PRKCE: variants seen among roughly 807,000 people sequenced by gnomAD.
PRKCE encodes the protein protein kinase C epsilon.
PRKCE carries 16 observed loss-of-function variants against 85.4 expected under a neutral mutation model. The ratio of observed to expected loss-of-function variants is 0.19; its 90% CI spans 0.13 to 0.28. The LOEUF (loss-of-function observed/expected upper bound fraction) is 0.28. PRKCE is among the 10% of genes least tolerant of loss of function. The pLI is 1.00. For synonymous variants in PRKCE, 388 were observed against 371.5 expected, an observed-to-expected ratio of 1.04 and a Z score of -0.51; for missense variants, 573 against 975.2, an observed-to-expected ratio of 0.59 and a Z score of 5.49.
chr2:45,952,646 G>T (rs569414455), intron 2 of PRKCE, among the ~76,000 whole-genome samples: 1 of 152,218 alleles, frequency 6.6e-6, no homozygotes, highest in Admixed American at 6.5e-5. Flanking sequence ...AAATGTAGTC[G>T]CTCTTCAAAA....
chr2:46,087,422 G>A (rs995588535), intron 11 of PRKCE, among the ~76,000 whole-genome samples: 1 of 152,162 alleles, frequency 6.6e-6, no homozygotes, highest in African/African-American at 2.4e-5. Context: ...CCTTGAATGT[G>A]TGAACGTTAC....
At chr2:45,656,313 T>A (rs1224159439) in intron 1 of PRKCE, among the ~76,000 whole-genome samples, 1 of 152,198 alleles carries the variant, frequency 6.6e-6, no homozygotes, top group African/African-American at 2.4e-5. Context: ...CCTCTGAACA[T>A]CATTAGTGAT....
At chr2:45,824,730 G>A (rs756364977) in intron 1 of PRKCE, among the ~76,000 whole-genome samples, 95 of 152,244 alleles carry the variant, frequency 6.2e-4, no homozygotes, top group African/African-American at 2.2e-3. Flanking sequence ...TGTGACCCAT[G>A]AGCAATTTTC....
intron 10 of PRKCE, among the ~76,000 whole-genome samples, chr2:46,062,602 C>T (rs961147122): frequency 2.0e-5 from 3 of 151,716 alleles, no homozygotes; most frequent in Non-Finnish European, 4.4e-5. Flanking sequence ...TATGCATTGA[C>T]CAACCCTCCC....
chr2:45,839,542 A>G (rs1231552166), intron 1 of PRKCE, among the ~76,000 whole-genome samples: 1 of 152,212 alleles, frequency 6.6e-6, no homozygotes, highest in Non-Finnish European at 1.5e-5. Context: ...AACCCTGGGA[A>G]TGGCTGGGAG....
At chr2:45,959,195 A>G (rs1574028600) in intron 2 of PRKCE, among the ~76,000 whole-genome samples, 1 of 152,262 alleles carries the variant, frequency 6.6e-6, no homozygotes, top group Admixed American at 6.5e-5. Context: ...CCTGTTTGAC[A>G]GTAGATGCAG....
chr2:45,787,941 C>A (rs1182415474), intron 1 of PRKCE, among the ~76,000 whole-genome samples: 1 of 152,158 alleles, frequency 6.6e-6, no homozygotes, highest in Non-Finnish European at 1.5e-5. Flanking sequence ...CACTGCTCTC[C>A]CTTTGTCTTA....
At chr2:45,929,064 C>G (rs907482668) in intron 2 of PRKCE, among the ~76,000 whole-genome samples, 1 of 152,138 alleles carries the variant, frequency 6.6e-6, no homozygotes, top group African/African-American at 2.4e-5. Flanking sequence ...CCTTGGCATG[C>G]CAAATACAAA....
At chr2:45,851,865 A>C (rs1439094271) in intron 2 of PRKCE, 1 of 152,178 alleles carries the variant, frequency 6.6e-6, no homozygotes, top group Admixed American at 6.5e-5. Context: ...GAAATTTAGG[A>C]TTCCCTCGGG....
At chr2:46,055,176 A>G (rs1234398640) in intron 10 of PRKCE, among the ~76,000 whole-genome samples, 1 of 152,230 alleles carries the variant, frequency 6.6e-6, no homozygotes, top group Non-Finnish European at 1.5e-5. Flanking sequence ...TGGCAAAACT[A>G]AAAGGACACT....
intron 10 of PRKCE, among the ~76,000 whole-genome samples, chr2:46,056,225 G>T (rs1666569077): frequency 6.6e-6 from 1 of 150,922 alleles, no homozygotes; most frequent in African/African-American, 2.5e-5. Context: ...CTTCTTCACG[G>T]TTAATGTTCT....
intron 11 of PRKCE, among the ~76,000 whole-genome samples, chr2:46,140,393 T>C (rs1262892782): frequency 2.2e-4 from 34 of 152,216 alleles, no homozygotes; most frequent in Non-Finnish European, 7.4e-5. Context: ...TTAGTACTAG[T>C]ATTTGATAAA....
intron 2 of PRKCE, among the ~76,000 whole-genome samples, chr2:45,880,632 T>C (rs1239442475): frequency 6.6e-6 from 1 of 152,006 alleles, no homozygotes; most frequent in African/African-American, 2.4e-5. Flanking sequence ...AAGCAGGGAG[T>C]ATATGTATAC....
chr2:45,673,713 G>T (rs991824010), intron 1 of PRKCE, among the ~76,000 whole-genome samples: 2 of 152,148 alleles, frequency 1.3e-5, no homozygotes, highest in Non-Finnish European at 2.9e-5. Flanking sequence ...GAAAAGCTTA[G>T]GTTGAACAAG....
At position 45,712,076 on chromosome 2, in the gene PRKCE, T is replaced by C. The variant is rs1679690940; in HGVS notation, c.348+59628T>C. On this transcript the variant is annotated intron_variant, in intron 1 of 14. Coordinates refer to ENST00000306156, the MANE Select transcript of PRKCE (RefSeq NM_005400.3). ...GTAAAGAATTACATCTTCTCCACAC[T>C]GTCTGTGTGCCCTCAGGTGTTCCTG... is the stretch of plus-strand genomic sequence containing the variant. Among the ~76,000 whole-genome samples, 3 of 151,526 alleles carry C rather than the reference T, an allele frequency of 2.0e-5. No individual in the cohort carries two copies. In the South Asian group the frequency reaches 6.2e-4, roughly 32 times the overall value.
intron 11 of PRKCE, among the ~76,000 whole-genome samples, chr2:46,130,795 A>G (rs1178992539): frequency 1.3e-5 from 2 of 152,234 alleles, no homozygotes; most frequent in Non-Finnish European, 2.9e-5. Context: ...GTACACAGGT[A>G]GAAAGTGCTG....
chr2:45,662,863 A>ACAAG (rs147813647), intron 1 of PRKCE, among the ~76,000 whole-genome samples: 94,759 of 147,630 alleles, frequency 0.64, 31,153 homozygotes, highest in Non-Finnish European at 0.73. Flanking sequence ...TACTCTGAAA[A>ACAAG]CAAGCAAGCA....
At chr2:45,805,796 A>G (rs1688199512) in intron 1 of PRKCE, among the ~76,000 whole-genome samples, 1 of 152,026 alleles carries the variant, frequency 6.6e-6, no homozygotes, top group African/African-American at 2.4e-5. Context: ...ACAGGGTTTC[A>G]CCATGATGGC....
rs146834993 is a variant in PRKCE at position 46,096,893 on chromosome 2, G to C, written c.1592+10531G>C. Among the ~76,000 whole-genome samples the C allele has an allele frequency of 4.9e-4, 75 of 152,272 alleles. 1 individual carries two copies. The highest frequency in any genetic ancestry group is 6.8e-3 in the Middle Eastern group (2 of 294). The stretch of plus-strand genomic sequence containing the variant: ...ATGTATATTAAAATAAGAGGGCAAG[G>C]CCTGCGGACTTGGCATAAATTGTAA... On this transcript the variant is annotated intron_variant, in intron 11 of 14. Coordinates refer to ENST00000306156, the MANE Select transcript of PRKCE (RefSeq NM_005400.3).
Sources: allele counts gnomAD v4.1 joint callset (sites outside exome capture counted in the v4.1 genomes callset), GRCh38; gene constraint gnomAD v4.1.1; transcripts MANE v1.5; gene names NCBI Gene and HGNC (gene_info 2026-07-23, HGNC 2026-07-21).